The following LRRD1 variants were observed in gnomAD, a reference collection of about 807,000 sequenced individuals.
LRRD1 encodes leucine-rich repeat and death domain-containing protein 1.
LRRD1 carries 49 observed loss-of-function variants against 69.5 expected under a neutral mutation model. That is an observed-to-expected ratio of 0.70 (90% CI 0.56 to 0.89). The LOEUF is 0.89. Among genes scored for constraint, LRRD1 ranks in the 40% least tolerant of loss-of-function variants. The probability of loss-of-function intolerance (pLI) is 0.00; values close to 1 mark genes in which losing one functional copy is unlikely to be tolerated. For synonymous variants in LRRD1, 303 were observed against 338.9 expected, an observed-to-expected ratio of 0.89 and a Z score of 1.16; for missense variants, 853 against 956.0, an observed-to-expected ratio of 0.89 and a Z score of 1.42.
At chr7:92,174,109 T>C (rs1412414261) in intron 1 of LRRD1, among the ~76,000 whole-genome samples, 4 of 152,068 alleles carry the variant, frequency 2.6e-5, no homozygotes, top group African/African-American at 9.7e-5. Context: ...CTCACTCATA[T>C]GTGGGAGCTA....
At chr7:92,160,974 C>T (rs1282073444) in intron 2 of LRRD1, among the ~76,000 whole-genome samples, 1 of 152,124 alleles carries the variant, frequency 6.6e-6, no homozygotes, top group Non-Finnish European at 1.5e-5. Context: ...GAGCATGGAA[C>T]CAGGCTATGG....
chr7:92,146,341 G>A (rs1019095380), intron 4 of LRRD1, 141 bp from the exon 5 acceptor site: 9 of 531,100 alleles, frequency 1.7e-5, no homozygotes, highest in Admixed American at 1.4e-4. Flanking sequence ...ATGCTGGCCG[G>A]GCACAGTGGC....
At position 92,146,719 on chromosome 7, in the gene LRRD1, G is replaced by A. The variant is rs560123115; in HGVS notation, c.2279-519C>T. On this transcript the variant is annotated intron_variant, in intron 4 of 5. Coordinates refer to ENST00000458448, the MANE Select transcript of LRRD1 (RefSeq NM_001161528.2). Reference sequence around the variant, plus strand: ...GTGGATCACCTGAGGTCGGGAGTTCGAGATCAGCCTGACCAACATGAAGAA... The same window carrying A: ...GTGGATCACCTGAGGTCGGGAGTTCAAGATCAGCCTGACCAACATGAAGAA... Among the ~76,000 whole-genome samples the A allele has an allele frequency of 7.3e-5, 11 of 151,420 alleles. No individual in the cohort carries two copies. The East Asian group carries it at 7.9e-4, about 11-fold the overall frequency.
chr7:92,159,298 T>G, intron 2 of LRRD1, 95 bp from the exon 3 acceptor site: 1 of 901,868 alleles, frequency 1.1e-6, no homozygotes, highest in Non-Finnish European at 1.6e-6. Flanking sequence ...GTTTTGTCTG[T>G]TTTTGTTTTT....
At position 92,150,539 on chromosome 7, in the gene LRRD1, C is replaced by T; in HGVS notation, c.2273G>A (p.Arg758Lys). The change falls in exon 4 of 6, where the codon AGA (arginine) becomes AAA (lysine). Residue 758 changes from arginine to lysine, a missense_variant. Arg to Lys is a conservative substitution (Grantham distance 26, BLOSUM62 2). This residue lies in a region of LRRD1 where 739 missense variants were observed against 808.0 expected (regional missense o/e 0.91). Transcript: ENST00000458448. The part of the protein sequence containing the change: ...IARYLQRADE[R>K]DEKILEKIFK... The stretch of plus-strand genomic sequence containing the variant: ...GTCAATCACTCATCACCTACCATCT[C>T]TTTCATCTGCCCTCTGTAGATAGCG... 1 of 1,538,478 alleles carries T rather than the reference C, an allele frequency of 6.5e-7. No homozygotes were observed. The highest frequency in any genetic ancestry group is 8.8e-7 in the Non-Finnish European group (1 of 1,141,276).
chr7:92,166,093 G>A (rs962899657), intron 1 of LRRD1, among the ~76,000 whole-genome samples: 1 of 152,148 alleles, frequency 6.6e-6, no homozygotes, highest in African/African-American at 2.4e-5. Context: ...TCCTTGCGTG[G>A]ATTGCAACCT....
intron 1 of LRRD1, among the ~76,000 whole-genome samples, chr7:92,170,127 A>G (rs993598256): frequency 5.3e-5 from 8 of 151,012 alleles, no homozygotes; most frequent in African/African-American, 2.0e-4. Flanking sequence ...GAAGGAAGGA[A>G]GGGAGGAAGG....
At chr7:92,154,319 A>C (rs1395987887) in intron 3 of LRRD1, among the ~76,000 whole-genome samples, 1 of 151,856 alleles carries the variant, frequency 6.6e-6, no homozygotes, top group Non-Finnish European at 1.5e-5. Context: ...GGCTCATTGC[A>C]GCCTCAGCCT....
Position 92,145,034 on chromosome 7 carries a change from T to A in LRRD1, c.2437A>T (p.Ile813Leu). 1 of 1,522,010 alleles carries A rather than the reference T, an allele frequency of 6.6e-7. No individual in the cohort carries two copies. Among genetic ancestry groups the A allele is most frequent in the Non-Finnish European group, 8.9e-7 (1 of 1,129,610 alleles). 94.3% of individuals were successfully genotyped at this position (1,522,010 alleles called of 1,614,324 possible). A position where few individuals can be genotyped will look rare whatever the true frequency, so the allele number is the denominator to read the frequency against. Residue 813 changes from isoleucine (I) to leucine (L), a missense_variant, in exon 6 of 6, where the codon ATA becomes TTA. Ile to Leu is a conservative substitution (Grantham distance 5). Coordinates refer to ENST00000458448, the MANE Select transcript of LRRD1 (RefSeq NM_001161528.2). The part of the protein sequence containing the change: ...LSERAHQALV[I>L]WKTQSNKLSL... The stretch of plus-strand genomic sequence containing the variant: ...AACTTGTTACTTTGTGTTTTCCATA[T>A]AACAAGTGCTTGGTGGGCTCTCTCA...
In LRRD1 at chr7:92,163,375, A is replaced by G; in HGVS notation, c.1828T>C (p.Ser610Pro). The G allele has an allele frequency of 6.5e-7, 1 of 1,546,474 alleles. No individual in the cohort carries two copies. The highest frequency in any genetic ancestry group is 8.7e-7 in the Non-Finnish European group (1 of 1,145,644). Residue 610 changes from serine (S) to proline (P), a missense_variant, in exon 2 of 6, where the codon TCA (serine) becomes CCA (proline). Ser to Pro is a moderately conservative substitution (Grantham distance 74). Coordinates refer to ENST00000458448, the MANE Select transcript of LRRD1 (RefSeq NM_001161528.2). ...GGAAAATGTATAAATTGATTGCTTG[A>G]GAAGTTTAATTTCTGGATTCCTTTT... is the stretch of plus-strand genomic sequence containing the variant. ...NLKGIQKLNFSSNQFIHFPIE... is the reference protein window; with the variant it reads ...NLKGIQKLNFPSNQFIHFPIE...
In LRRD1 at chr7:92,150,688, A is replaced by G; in HGVS notation, c.2124T>C (p.Asn708=). 1 of 1,530,922 alleles carries G rather than the reference A, an allele frequency of 6.5e-7. No homozygotes were observed. Among genetic ancestry groups the G allele is most frequent in the South Asian group, 1.2e-5 (1 of 80,884 alleles). The allele number at this position is 1,530,922 out of a possible 1,614,324, so 94.8% of individuals were successfully genotyped here. ...AGATAGCACTAGGTAGAGCTGTCAG[A>G]TTATTTCCTAGTAGAAAAAAATTAG... ...DLQQLNLSGN[N]LTALPSAIYN... Residue 708 remains asparagine (N), a synonymous_variant, in exon 4 of 6, where the codon AAT becomes AAC. Transcript: ENST00000458448.
intron 2 of LRRD1, among the ~76,000 whole-genome samples, chr7:92,161,796 A>G (rs1788800914): frequency 6.6e-6 from 1 of 152,210 alleles, no homozygotes; most frequent in Non-Finnish European, 1.5e-5. Flanking sequence ...GCTGACTTTG[A>G]AGTTATATTG....
intron 4 of LRRD1, among the ~76,000 whole-genome samples, chr7:92,148,904 T>C (rs1820398362): frequency 6.6e-6 from 1 of 152,064 alleles, no homozygotes; most frequent in African/African-American, 2.4e-5. Context: ...CCCACCACCA[T>C]GCCCAGCTAA....
intron 3 of LRRD1, among the ~76,000 whole-genome samples, chr7:92,157,776 C>T (rs1267203216): frequency 6.6e-6 from 1 of 151,616 alleles, no homozygotes; most frequent in Non-Finnish European, 1.5e-5. Context: ...GGGGTTTCAC[C>T]ATATTGGCCA....
intron 1 of LRRD1, among the ~76,000 whole-genome samples, chr7:92,165,513 G>C (rs1004744557): frequency 2.0e-5 from 3 of 151,922 alleles, no homozygotes; most frequent in African/African-American, 7.3e-5. Context: ...AAAGTTCAAA[G>C]AAAATTAGAA....
chr7:92,163,313 C>T lies in LRRD1; in HGVS notation c.1890G>A (p.Leu630=), dbSNP rs1376860557. 31 of 1,501,500 alleles carry T rather than the reference C, an allele frequency of 2.1e-5. No individual in the cohort carries two copies. The highest frequency in any genetic ancestry group is 2.7e-5 in the Non-Finnish European group (30 of 1,127,292). The allele number at this position is 1,501,500 out of a possible 1,614,324, so 93.0% of individuals were successfully genotyped here. ...ELCQLQSLEQ[L]NISQIKGRKL... ...TTCTCCCTTTTATCTGACTTATATT[C>T]AGCTGTTCCAGTGATTGAAGTTGGC... Residue 630 remains leucine (L), a synonymous_variant, in exon 2 of 6, where the codon CTG becomes CTA. Transcript: ENST00000458448.
In LRRD1 at chr7:92,155,082, C is replaced by T. The variant is rs2087337700; in HGVS notation, c.2116+3923G>A. ...CGTCCTTAGCGTAGATCTTAGCAAC[C>T]TCATCATATGATTCTTTTCTTTCCA... On this transcript the variant is annotated intron_variant, in intron 3 of 5. Transcript: ENST00000458448. Among the ~76,000 whole-genome samples the T allele has an allele frequency of 2.0e-5, 3 of 152,188 alleles. No individual in the cohort carries two copies. The South Asian group carries it at 6.2e-4, about 31-fold the overall frequency.
downstream of LRRD1, chr7:92,142,282 T>C: frequency 2.8e-6 from 1 of 357,612 alleles, no homozygotes; most frequent in Non-Finnish European, 5.5e-6. Flanking sequence ...TCTCTTTCCA[T>C]TCAAAGTTAT....
chr7:92,168,553 T>C (rs1169287954), intron 1 of LRRD1, among the ~76,000 whole-genome samples: 1 of 151,926 alleles, frequency 6.6e-6, no homozygotes, highest in Non-Finnish European at 1.5e-5. Context: ...ATATCCCCTT[T>C]GGGATGTACC....
Sources: allele counts gnomAD v4.1 joint callset (sites outside exome capture counted in the v4.1 genomes callset), GRCh38; gene constraint gnomAD v4.1.1; regional missense constraint gnomAD v4.1.1; transcripts MANE v1.5; gene names NCBI Gene and HGNC (gene_info 2026-07-23, HGNC 2026-07-21).